Variants in CDH13 observed in about 807,000 individuals in gnomAD.
CDH13 encodes the protein cadherin-13.
A neutral mutation model predicts 63.8 loss-of-function variants in CDH13; 24 were observed. The observed-to-expected ratio is 0.38, with a 90% CI of 0.27 to 0.53. The LOEUF is 0.53. CDH13 is among the 20% of genes least tolerant of loss of function. The probability of loss-of-function intolerance (pLI) is 0.85; values close to 1 mark genes in which losing one functional copy is unlikely to be tolerated. For synonymous variants in CDH13, 503 were observed against 355.3 expected (o/e 1.42, Z -4.67); for missense variants, 1,049 against 903.1 (o/e 1.16, Z -2.07).
At chr16:82,904,172 A>T (rs764463856) in intron 2 of CDH13, among the ~76,000 whole-genome samples, 2 of 152,222 alleles carry the variant, frequency 1.3e-5, no homozygotes, top group Non-Finnish European at 2.9e-5. Context: ...ATCTTTTGTA[A>T]TAAATACAAA....
chr16:82,635,417 C>G (rs547822209), intron 1 of CDH13, among the ~76,000 whole-genome samples: 4 of 152,256 alleles, frequency 2.6e-5, no homozygotes, highest in African/African-American at 9.6e-5. Context: ...AGCCTCTATT[C>G]AGGGGAAACA....
In CDH13 at chr16:82,761,029, T is replaced by C. The variant is rs1267591512; in HGVS notation, c.46-97333T>C. On this transcript the variant is annotated intron_variant, in intron 1 of 13. Coordinates refer to ENST00000567109, the MANE Select transcript of CDH13 (RefSeq NM_001257.5). Reference sequence around the variant, plus strand: ...CATTTCTTTCTTTCTTTTTTTTTTTTTTTTTTTTTTTTTTTTTGGAGTCTC... The same window carrying C: ...CATTTCTTTCTTTCTTTTTTTTTTTCTTTTTTTTTTTTTTTTTGGAGTCTC... Among the ~76,000 whole-genome samples, 153 of 112,904 alleles carry C rather than the reference T, an allele frequency of 1.4e-3. 2 individuals are homozygous for C. The highest frequency in any genetic ancestry group is 4.4e-3 in the African/African-American group (130 of 29,710). 74.1% of individuals were successfully genotyped at this position (112,904 alleles called of 152,430 possible).
intron 2 of CDH13, among the ~76,000 whole-genome samples, chr16:82,892,842 G>A (rs961986083): frequency 1.3e-5 from 2 of 151,848 alleles, no homozygotes; most frequent in Non-Finnish European, 2.9e-5. Flanking sequence ...TTTTTATTTA[G>A]AATGTTGGCA....
At chr16:83,068,624 C>G (rs1175558176) in intron 3 of CDH13, among the ~76,000 whole-genome samples, 2 of 152,170 alleles carry the variant, frequency 1.3e-5, no homozygotes, top group East Asian at 3.8e-4. Flanking sequence ...TTTGCCATCA[C>G]CAAACATACT....
chr16:83,741,523 T>C (rs1397999628), intron 10 of CDH13, among the ~76,000 whole-genome samples: 1 of 152,024 alleles, frequency 6.6e-6, no homozygotes, highest in Non-Finnish European at 1.5e-5. Flanking sequence ...TGTATATATA[T>C]GTGTGTATAT....
At chr16:83,320,728 G>A (rs1017681671) in intron 5 of CDH13, among the ~76,000 whole-genome samples, 5 of 152,164 alleles carry the variant, frequency 3.3e-5, no homozygotes, top group African/African-American at 1.2e-4. Context: ...ATTAGTTCCG[G>A]TTGCTTATTA....
intron 4 of CDH13, among the ~76,000 whole-genome samples, chr16:83,134,340 C>T (rs544764883): frequency 6.6e-6 from 1 of 152,234 alleles, no homozygotes; most frequent in Admixed American, 6.5e-5. Context: ...CAGGCGCCCG[C>T]CACCATGCCC....
At chr16:83,098,513 G>A (rs922922916) in intron 3 of CDH13, among the ~76,000 whole-genome samples, 2 of 152,112 alleles carry the variant, frequency 1.3e-5, no homozygotes, top group African/African-American at 4.8e-5. Flanking sequence ...AAGGACTATT[G>A]AACATTTCTT....
intron 5 of CDH13, among the ~76,000 whole-genome samples, chr16:83,335,042 T>C (rs966663074): frequency 6.6e-6 from 1 of 152,194 alleles, no homozygotes; most frequent in Non-Finnish European, 1.5e-5. Flanking sequence ...CAACAAACAT[T>C]GTATCCATGG....
chr16:82,669,640 C>T (rs984820436), intron 1 of CDH13, among the ~76,000 whole-genome samples: 11 of 152,196 alleles, frequency 7.2e-5, no homozygotes, highest in African/African-American at 2.7e-4. Context: ...CAATGTAAAG[C>T]CATCCCAATT....
chr16:83,667,087 TGATGGATGGATG>T (rs5818464), intron 8 of CDH13, among the ~76,000 whole-genome samples: 22 of 144,818 alleles, frequency 1.5e-4, no homozygotes, highest in Middle Eastern at 3.5e-3. Context: ...GATAGATGGA[TGATGGATGGATG>T]GATGGATGGA....
At chr16:83,285,466 C>T (rs1257364039) in intron 5 of CDH13, among the ~76,000 whole-genome samples, 1 of 150,824 alleles carries the variant, frequency 6.6e-6, no homozygotes, top group Admixed American at 6.6e-5. Flanking sequence ...TACAGGTGGT[C>T]ACAGATATCC....
intron 2 of CDH13, among the ~76,000 whole-genome samples, chr16:82,893,440 T>C (rs2041149358): frequency 6.6e-6 from 1 of 152,224 alleles, no homozygotes; most frequent in African/African-American, 2.4e-5. Context: ...GGCCAACTAA[T>C]GGGTTTCTAA....
chr16:83,498,211 T>C (rs1269051776), intron 7 of CDH13, among the ~76,000 whole-genome samples: 1 of 152,084 alleles, frequency 6.6e-6, no homozygotes, highest in African/African-American at 2.4e-5. Context: ...GAACAGAAGA[T>C]TTCCCAGATG....
chr16:82,750,773 T>C (rs1374395301), intron 1 of CDH13, among the ~76,000 whole-genome samples: 2 of 148,280 alleles, frequency 1.3e-5, no homozygotes, highest in African/African-American at 5.0e-5. Context: ...AGAGATTGGC[T>C]TAAGCTGATT....
rs200360794 is a variant in CDH13 at position 82,806,656 on chromosome 16, TTTG to T, written c.46-51688_46-51686del. Among the ~76,000 whole-genome samples the T allele has an allele frequency of 5.0e-3, 762 of 152,148 alleles. 8 individuals are homozygous for T. Among genetic ancestry groups the T allele is most frequent in the African/African-American group, 0.017 (692 of 41,524 alleles). ...ACCCCAGTTGAATAATGGTGGGATT[TTTG>T]TTGTTGTTGTTGTTGTTAAGCAAAG... On this transcript the variant is annotated intron_variant, in intron 1 of 13. Coordinates refer to ENST00000567109, the MANE Select transcript of CDH13 (RefSeq NM_001257.5).
chr16:83,508,408 T>G (rs1282152918), intron 7 of CDH13: 1 of 154,094 alleles, frequency 6.5e-6, no homozygotes, highest in African/African-American at 2.4e-5. Context: ...CATAGAGCAG[T>G]GACTGTTGAT....
At chr16:83,499,849 C>G (rs1320377755) in intron 7 of CDH13, among the ~76,000 whole-genome samples, 1 of 152,122 alleles carries the variant, frequency 6.6e-6, no homozygotes, top group Non-Finnish European at 1.5e-5. Context: ...ATTGCTCAAG[C>G]TGTAGTGCAA....
intron 5 of CDH13, among the ~76,000 whole-genome samples, chr16:83,318,550 A>T (rs2090153835): frequency 6.6e-6 from 1 of 152,204 alleles, no homozygotes. Context: ...TGTTGCTTTC[A>T]TTCTGTTACT....
Sources: gnomAD v4.1 joint callset for allele counts (sites outside exome capture counted in the v4.1 genomes callset) on GRCh38, gnomAD v4.1.1 for gene constraint, MANE v1.5 for transcripts, NCBI Gene and HGNC (gene_info 2026-07-23, HGNC 2026-07-21) for gene names.